Variants in HK1 observed in about 807,000 individuals in gnomAD.
HK1 encodes the protein hexokinase 1.
A neutral mutation model predicts 91.6 loss-of-function variants in HK1; 28 were observed. That is an observed-to-expected ratio of 0.31 (90% CI 0.23 to 0.42). The LOEUF is 0.42. Ranked by LOEUF, HK1 falls within the 10% of genes least tolerant of loss-of-function variation. The pLI is 1.00. For synonymous variants in HK1, 430 were observed against 468.1 expected (o/e 0.92, Z 1.05); for missense variants, 770 against 1,219.8 (o/e 0.63, Z 5.49).
At chr10:69,299,357 T>G (rs565361740) in intron 4 of HK1, among the ~76,000 whole-genome samples, 1 of 135,826 alleles carries the variant, frequency 7.4e-6, no homozygotes, top group East Asian at 2.0e-4. Flanking sequence ...TTGTTTGTGG[T>G]TTTTGTTTGT....
intron 17 of HK1, among the ~76,000 whole-genome samples, chr10:69,399,833 C>T (rs1177241286): frequency 1.3e-5 from 2 of 152,106 alleles, no homozygotes; most frequent in Non-Finnish European, 2.9e-5. Flanking sequence ...CAAACTAGGA[C>T]CATCCCAGAT....
intron 1 of HK1, among the ~76,000 whole-genome samples, chr10:69,343,055 A>C (rs1423647384): frequency 6.6e-6 from 1 of 152,174 alleles, no homozygotes; most frequent in Non-Finnish European, 1.5e-5. Flanking sequence ...TGCAGGGCCC[A>C]TGGCCTGGCA....
At chr10:69,303,194 G>A (rs72805681) in intron 5 of HK1, among the ~76,000 whole-genome samples, 4 of 151,970 alleles carry the variant, frequency 2.6e-5, no homozygotes, top group African/African-American at 7.2e-5. Flanking sequence ...GTAATGTGGT[G>A]GGGGGAGGGG....
intron 4 of HK1, among the ~76,000 whole-genome samples, chr10:69,298,023 CA>C (rs1335645728): frequency 2.6e-5 from 4 of 151,288 alleles, no homozygotes; most frequent in Non-Finnish European, 5.9e-5. Flanking sequence ...CCAGCCTGGC[CA>C]ACATGGTGAA....
rs185913386 is a variant in HK1 at position 69,387,374 on chromosome 10, T to C, written c.1935+956T>C. Among the ~76,000 whole-genome samples the C allele has an allele frequency of 3.2e-4, 49 of 152,266 alleles. No homozygotes were observed. In the East Asian group the frequency reaches 6.0e-3, roughly 19 times the overall value. On this transcript the variant is annotated intron_variant, in intron 13 of 17. Coordinates refer to ENST00000359426, the MANE Select transcript of HK1 (RefSeq NM_000188.3). ...AGCAATCTTGGCTCACTGCAACCTC[T>C]GCCTCCCAGGCTCAAGCGATCCTCC... is the stretch of plus-strand genomic sequence containing the variant.
chr10:69,327,433 A>G (rs1206599584), intron 1 of HK1, among the ~76,000 whole-genome samples: 4 of 152,216 alleles, frequency 2.6e-5, no homozygotes, highest in African/African-American at 4.8e-5. Context: ...GGTTTCTTAC[A>G]GAGTATAAAA....
chr10:69,284,230 A>G (rs1844906916), intron 2 of HK1, among the ~76,000 whole-genome samples: 1 of 152,200 alleles, frequency 6.6e-6, no homozygotes, highest in Admixed American at 6.5e-5. Context: ...TTACAGCCAT[A>G]TGACCTTGGG....
At chr10:69,282,589 G>A (rs540918162) in exon 2 of HK1, 1 of 152,322 alleles carries the variant, frequency 6.6e-6, no homozygotes, top group Admixed American at 6.5e-5. Context: ...AAGGAAAAGA[G>A]TCCAAACACC....
At chr10:69,353,434 CA>C (rs1385163896) in intron 2 of HK1, among the ~76,000 whole-genome samples, 2 of 151,238 alleles carry the variant, frequency 1.3e-5, no homozygotes, top group Non-Finnish European at 3.0e-5. Flanking sequence ...ACACAAAATA[CA>C]AAAAAAAGTT....
Position 69,392,022 on chromosome 10 carries a change from C to T in HK1, c.2036-103C>T, listed in dbSNP as rs147084352. 350 of 1,073,558 alleles carry T rather than the reference C, an allele frequency of 3.3e-4. 1 individual carries two copies. In the African/African-American group the frequency reaches 3.6e-3, roughly 11 times the overall value. The allele number at this position is 1,073,558 out of a possible 1,614,324, so 66.5% of individuals were successfully genotyped here. A position where few individuals can be genotyped will look rare whatever the true frequency, so the allele number is the denominator to read the frequency against. ...CTATTACTTTGTTCATCACAAAAAACGTGCCCCCTGCCTGTGGAACCTCAG... is the reference window on the plus strand; with the variant it reads ...CTATTACTTTGTTCATCACAAAAAATGTGCCCCCTGCCTGTGGAACCTCAG... On this transcript the variant is annotated intron_variant, in intron 14 of 17. Coordinates refer to ENST00000359426, the MANE Select transcript of HK1 (RefSeq NM_000188.3).
intron 1 of HK1, among the ~76,000 whole-genome samples, chr10:69,281,823 G>A (rs796222329): frequency 1.1e-4 from 16 of 152,200 alleles, no homozygotes; most frequent in African/African-American, 3.9e-4. Flanking sequence ...GAGGGAGGAG[G>A]AAGGAAAAAG....
Position 69,353,556 on chromosome 10 carries a change from G to A in HK1, c.227-6341G>A, listed in dbSNP as rs960867091. ...TGCAGTAAGCTGTGATCATGCAACTGCACTGCACTCCAGCCTGGGTGACAG... is the reference window on the plus strand; with the variant it reads ...TGCAGTAAGCTGTGATCATGCAACTACACTGCACTCCAGCCTGGGTGACAG... On this transcript the variant is annotated intron_variant, in intron 2 of 17. Transcript: ENST00000359426. 2.3e-4 allele frequency among the ~76,000 whole-genome samples: 34 copies of A among 149,940 alleles called. No homozygotes were observed. In the South Asian group the frequency reaches 2.5e-3, roughly 11 times the overall value.
upstream of HK1, among the ~76,000 whole-genome samples, chr10:69,311,022 A>C (rs532796322): frequency 1.3e-5 from 2 of 151,480 alleles, no homozygotes; most frequent in African/African-American, 4.9e-5. Flanking sequence ...GCACCACTGC[A>C]CTTCAGCCTG....
chr10:69,364,866 G>A lies in HK1; in HGVS notation c.459G>A (p.Thr153=), dbSNP rs746995936. Residue 153 remains threonine (T), a synonymous_variant, in exon 4 of 18, where the codon ACG becomes ACA. Transcript: ENST00000359426. ...IKDKKLPVGF[T]FSFPCQQSKI... ...ACAAGAAGTTACCTGTGGGATTCAC[G>A]TTTTCTTTTCCTTGCCAACAATCCA... 3.7e-6 allele frequency: 6 copies of A among 1,613,994 alleles called. No individual in the cohort carries two copies. In the Admixed American group the frequency reaches 6.7e-5, roughly 18 times the overall value.
intron 3 of HK1, among the ~76,000 whole-genome samples, chr10:69,364,334 G>A (rs1036135271): frequency 1.3e-5 from 2 of 152,142 alleles, no homozygotes; most frequent in African/African-American, 4.8e-5. Flanking sequence ...ACTCCAGTGG[G>A]CTAGAGGCTG....
chr10:69,368,672 G>A (rs1849831522), intron 5 of HK1, 41 bp downstream of exon 5: 3 of 1,492,844 alleles, frequency 2.0e-6, no homozygotes, highest in Non-Finnish European at 1.9e-6. Context: ...ATGCAGGGGT[G>A]TGGGGAGCAG....
At chr10:69,303,400 T>C (rs991065165) in intron 5 of HK1, among the ~76,000 whole-genome samples, 3 of 142,850 alleles carry the variant, frequency 2.1e-5, no homozygotes, top group Non-Finnish European at 4.6e-5. Context: ...TTTATCAAGG[T>C]AGAGAATTGC....
intron 12 of HK1, 57 bp downstream of exon 12, chr10:69,384,972 G>T (rs781730325): frequency 3.1e-5 from 49 of 1,605,846 alleles, no homozygotes; most frequent in Non-Finnish European, 3.8e-5. Context: ...CCTGTGGCCT[G>T]GGTGGGCTGG....
Position 69,276,118 on chromosome 10 carries a change from A to AAAAAAATAT in HK1, c.-391+6011_-391+6012insAAAAATATA. 1.8e-4 allele frequency among the ~76,000 whole-genome samples: 7 copies of AAAAAAATAT among 38,272 alleles called. 1 individual carries two copies. The highest frequency in any genetic ancestry group is 5.6e-4 in the Admixed American group (1 of 1,798). 25.1% of individuals were successfully genotyped at this position (38,272 alleles called of 152,430 possible). ...AAAAAAAAAAAAAAAAAAAAAAAAA[A>AAAAAAATAT]ATACATATATATATATATATACACA... is the stretch of plus-strand genomic sequence containing the variant. On this transcript the variant is annotated intron_variant, in intron 1 of 21. Coordinates refer to the HK1 transcript ENST00000360289.
Sources: gnomAD v4.1 joint callset for allele counts (sites outside exome capture counted in the v4.1 genomes callset) on GRCh38, gnomAD v4.1.1 for gene constraint, MANE v1.5 for transcripts, NCBI Gene and HGNC (gene_info 2026-07-23, HGNC 2026-07-21) for gene names.